Variants in MACROD2 observed in about 807,000 individuals in gnomAD.
MACROD2 encodes mono-ADP ribosylhydrolase 2.
In MACROD2, 36 loss-of-function variants were observed where a neutral mutation model predicts 70.4. The ratio of observed to expected loss-of-function variants is 0.51; its 90% CI spans 0.39 to 0.68. The LOEUF (loss-of-function observed/expected upper bound fraction) is 0.68, where lower values mean the gene tolerates loss of function less well. Among genes scored for constraint, MACROD2 ranks in the 30% least tolerant of loss-of-function variants. The pLI is 0.00. For missense variants in MACROD2, 496 were observed against 538.4 expected (o/e 0.92, Z 0.78); for synonymous variants, 172 against 178.8 (o/e 0.96, Z 0.30).
intron 5 of MACROD2, among the ~76,000 whole-genome samples, chr20:14,862,716 T>TA (rs1491170483): frequency 1.9e-4 from 17 of 88,860 alleles, no homozygotes; most frequent in African/African-American, 8.5e-4. Context: ...TATATATATA[T>TA]TTTTTTTTAA....
intron 3 of MACROD2, among the ~76,000 whole-genome samples, chr20:14,300,219 G>A (rs903913440): frequency 2.0e-5 from 3 of 152,126 alleles, no homozygotes; most frequent in South Asian, 2.1e-4. Flanking sequence ...TTACAACATC[G>A]CTACCTCAGA....
intron 8 of MACROD2, among the ~76,000 whole-genome samples, chr20:15,836,581 C>T (rs1220698423): frequency 1.3e-5 from 2 of 152,154 alleles, no homozygotes; most frequent in East Asian, 3.8e-4. Flanking sequence ...GAATACGCAG[C>T]TCAATTTTAA....
rs1157938393 is a variant in MACROD2 at position 14,215,335 on chromosome 20, TATAC to T, written c.271+129609_271+129612del. ...CATCATATATATCTATGCCATCATA[TATAC>T]ACACACACACACACACACACACACA... On this transcript the variant is annotated intron_variant, in intron 3 of 17. Transcript: ENST00000684519. Among the ~76,000 whole-genome samples, 766 of 101,688 alleles carry T rather than the reference TATAC, an allele frequency of 7.5e-3. 4 individuals are homozygous for T. The highest frequency in any genetic ancestry group is 0.036 in the Middle Eastern group (7 of 196). 66.7% of individuals were successfully genotyped at this position (101,688 alleles called of 152,430 possible).
chr20:15,771,382 C>A (rs1302743462), intron 8 of MACROD2, among the ~76,000 whole-genome samples: 1 of 148,684 alleles, frequency 6.7e-6, no homozygotes, highest in Admixed American at 6.6e-5. Context: ...GGGATTTTGC[C>A]ATGTAGTTCA....
intron 8 of MACROD2, among the ~76,000 whole-genome samples, chr20:15,781,518 A>G (rs1262283176): frequency 2.0e-5 from 3 of 152,186 alleles, no homozygotes; most frequent in Admixed American, 1.3e-4. Context: ...GATGAGGGCT[A>G]TCTCTGCTTT....
At chr20:14,991,800 T>A (rs970843902) in intron 5 of MACROD2, among the ~76,000 whole-genome samples, 6 of 152,208 alleles carry the variant, frequency 3.9e-5, no homozygotes, top group Non-Finnish European at 5.9e-5. Flanking sequence ...TGGATTCAGT[T>A]ATCTAATTTG....
intron 6 of MACROD2, among the ~76,000 whole-genome samples, chr20:15,374,796 A>G (rs1461771401): frequency 6.6e-6 from 1 of 152,224 alleles, no homozygotes; most frequent in Non-Finnish European, 1.5e-5. Flanking sequence ...AGAACTGGCC[A>G]GGATGTTCAT....
chr20:15,628,368 TCTG>T (rs1405044093), intron 8 of MACROD2, among the ~76,000 whole-genome samples: 13 of 152,326 alleles, frequency 8.5e-5, no homozygotes, highest in Non-Finnish European at 1.9e-4. Flanking sequence ...TTGCTAGCAA[TCTG>T]CTAAGTGGGA....
At chr20:15,523,136 C>A (rs2047675252) in intron 8 of MACROD2, among the ~76,000 whole-genome samples, 1 of 152,058 alleles carries the variant, frequency 6.6e-6, no homozygotes, top group South Asian at 2.1e-4. Flanking sequence ...TCTGACGAAG[C>A]CTTAAGCACC....
At chr20:14,275,485 A>G (rs1428427608) in intron 3 of MACROD2, among the ~76,000 whole-genome samples, 1 of 151,762 alleles carries the variant, frequency 6.6e-6, no homozygotes, top group Non-Finnish European at 1.5e-5. Flanking sequence ...TTAATTCAAG[A>G]TGGATTAAAG....
chr20:15,764,366 C>T (rs1177553058), intron 8 of MACROD2, among the ~76,000 whole-genome samples: 1 of 152,142 alleles, frequency 6.6e-6, no homozygotes, highest in East Asian at 1.9e-4. Flanking sequence ...CCATTTAATA[C>T]CACCTTGAAA....
chr20:14,806,305 G>A lies in MACROD2; in HGVS notation c.418+121346G>A, dbSNP rs115398675. On this transcript the variant is annotated intron_variant, in intron 5 of 17. Transcript: ENST00000684519. ...ACAGTGGGTGCAGCCCATGGAGGGCGACCAGAAGCAGGGTGGGGCGTTGCC... is the reference window on the plus strand; with the variant it reads ...ACAGTGGGTGCAGCCCATGGAGGGCAACCAGAAGCAGGGTGGGGCGTTGCC... Among the ~76,000 whole-genome samples the A allele has an allele frequency of 5.7e-3, 863 of 152,156 alleles. 18 individuals carry two copies. The highest frequency in any genetic ancestry group is 0.019 in the African/African-American group (793 of 41,538).
chr20:15,947,592 T>A (rs891070701), intron 12 of MACROD2, among the ~76,000 whole-genome samples: 2 of 152,178 alleles, frequency 1.3e-5, no homozygotes, highest in African/African-American at 2.4e-5. Context: ...CAGGTCAAAA[T>A]GGAGTTTCTT....
Position 15,445,331 on chromosome 20 carries a change from C to G in MACROD2, c.571+13896C>G, listed in dbSNP as rs185355653. ...TCATACCACACTTTATACATAACCA[C>G]TGTAGCCAATTGTTTAAAAAATAGT... On this transcript the variant is annotated intron_variant, in intron 7 of 17. Transcript: ENST00000684519. Among the ~76,000 whole-genome samples, 910 of 152,306 alleles carry G rather than the reference C, an allele frequency of 6.0e-3. 8 individuals carry two copies. The highest frequency in any genetic ancestry group is 0.02 in the African/African-American group (842 of 41,574).
At chr20:14,789,696 G>T (rs571462349) in intron 5 of MACROD2, among the ~76,000 whole-genome samples, 1 of 151,470 alleles carries the variant, frequency 6.6e-6, no homozygotes, top group African/African-American at 2.4e-5. Context: ...GGTTGTTCTC[G>T]AACTCCTGAC....
At chr20:15,394,291 C>T (rs578078115) in intron 6 of MACROD2, among the ~76,000 whole-genome samples, 3 of 152,302 alleles carry the variant, frequency 2.0e-5, no homozygotes, top group Non-Finnish European at 2.9e-5. Flanking sequence ...CAAATGCCTA[C>T]AATTTTGGGT....
rs2083730865 is a variant in MACROD2 at position 14,409,844 on chromosome 20, A to G, written c.272-83635A>G. ...CACTGTTTGTGGGATGGAAACTCCA[A>G]CTGCTGAACTGAATCAGATCTGCCA... On this transcript the variant is annotated intron_variant, in intron 3 of 17. Transcript: ENST00000684519. Among the ~76,000 whole-genome samples the G allele has an allele frequency of 2.0e-5, 3 of 152,156 alleles. No homozygotes were observed. The South Asian group carries it at 6.2e-4, about 31-fold the overall frequency.
At chr20:14,961,185 C>A (rs1262310332) in intron 5 of MACROD2, among the ~76,000 whole-genome samples, 3 of 152,040 alleles carry the variant, frequency 2.0e-5, no homozygotes, top group Non-Finnish European at 4.4e-5. Flanking sequence ...ATAGCTCTGG[C>A]CATTTTGCTG....
At chr20:14,692,846 C>A (rs563469224) in intron 5 of MACROD2, among the ~76,000 whole-genome samples, 1 of 152,266 alleles carries the variant, frequency 6.6e-6, no homozygotes, top group South Asian at 2.1e-4. Flanking sequence ...CTTATTTTGA[C>A]CCATTGTGAT....
Sources: gnomAD v4.1 joint callset for allele counts (sites outside exome capture counted in the v4.1 genomes callset) on GRCh38, gnomAD v4.1.1 for gene constraint, MANE v1.5 for transcripts, NCBI Gene and HGNC (gene_info 2026-07-23, HGNC 2026-07-21) for gene names.